Variants in PIK3C2G observed in about 807,000 individuals in gnomAD.
The protein encoded by PIK3C2G is phosphatidylinositol 3-kinase C2 domain-containing subunit gamma.
PIK3C2G carries 168 observed loss-of-function variants against 181.1 expected under a neutral mutation model. The observed-to-expected ratio is 0.93, with a 90% CI of 0.82 to 1.05. PIK3C2G has a LOEUF of 1.05. Among genes scored for constraint, PIK3C2G ranks in the 50% least tolerant of loss-of-function variants. PIK3C2G has a pLI of 0.00. For missense variants in PIK3C2G, 1,869 were observed against 1,732.8 expected (o/e 1.08, Z -1.40); for synonymous variants, 573 against 592.2 (o/e 0.97, Z 0.47).
At chr12:18,299,766 C>T (rs941018473) in intron 5 of PIK3C2G, among the ~76,000 whole-genome samples, 6 of 151,934 alleles carry the variant, frequency 3.9e-5, no homozygotes, top group African/African-American at 1.4e-4. Context: ...TCATCAGATA[C>T]TTTTTCTGTA....
chr12:18,333,519 G>A (rs1158332003), intron 8 of PIK3C2G, among the ~76,000 whole-genome samples: 2 of 151,990 alleles, frequency 1.3e-5, no homozygotes. Flanking sequence ...TCCCACTTAT[G>A]AATGAGAACA....
intron 18 of PIK3C2G, among the ~76,000 whole-genome samples, chr12:18,479,345 G>T (rs1192575271): frequency 1.3e-5 from 2 of 152,082 alleles, no homozygotes; most frequent in African/African-American, 4.8e-5. Context: ...TCCATGTTAA[G>T]ACATCAGGAG....
the PIK3C2G span, among the ~76,000 whole-genome samples, chr12:18,654,294 TAAAA>T: frequency 7.7e-5 from 11 of 142,666 alleles, no homozygotes; most frequent in African/African-American, 7.7e-5. Flanking sequence ...CACTAGTACC[TAAAA>T]AAAAAAAAAA....
At chr12:18,642,953 A>C (rs770824346) in intron 32 of PIK3C2G, among the ~76,000 whole-genome samples, 1 of 152,066 alleles carries the variant, frequency 6.6e-6, no homozygotes, top group African/African-American at 2.4e-5. Context: ...ACACTTCCCA[A>C]CAATATATCA....
At chr12:18,686,394 A>G in the PIK3C2G span, among the ~76,000 whole-genome samples, 1 of 151,962 alleles carries the variant, frequency 6.6e-6, no homozygotes, top group African/African-American at 2.4e-5. Context: ...CTCCCTAAAT[A>G]ATTTTCTCAT....
rs149808778 is a variant in PIK3C2G, at chr12:18,395,400, A to G, written c.2126+4148A>G. Reference sequence around the variant, plus strand: ...GATGAAAACAACTTTTTCAAATTAGAACTCTATACACAGTAAAATTATGTT... The same window carrying G: ...GATGAAAACAACTTTTTCAAATTAGGACTCTATACACAGTAAAATTATGTT... On this transcript the variant is annotated intron_variant, in intron 15 of 32. Transcript: ENST00000538779. Among the ~76,000 whole-genome samples the G allele has an allele frequency of 4.9e-3, 746 of 150,846 alleles. 4 individuals carry two copies. Among genetic ancestry groups the G allele is most frequent in the Non-Finnish European group, 6.4e-3 (429 of 67,408 alleles).
chr12:18,407,053 T>C (rs1944578867), intron 16 of PIK3C2G, among the ~76,000 whole-genome samples: 1 of 152,082 alleles, frequency 6.6e-6, no homozygotes, highest in Non-Finnish European at 1.5e-5. Context: ...CAAAGAGTAA[T>C]ATTATATACC....
At chr12:18,498,768 G>A (rs2305220) in intron 22 of PIK3C2G, among the ~76,000 whole-genome samples, 61,282 of 151,812 alleles carry the variant, frequency 0.4, 12,945 homozygotes, top group African/African-American at 0.53. Context: ...CATTACAGTC[G>A]TACTAGCCAA....
chr12:18,553,995 T>C (rs1012087845), intron 26 of PIK3C2G, among the ~76,000 whole-genome samples: 3 of 152,114 alleles, frequency 2.0e-5, no homozygotes, highest in African/African-American at 7.2e-5. Flanking sequence ...CAATCAGTTA[T>C]GTTTTATAAA....
chr12:18,603,593 G>A (rs558145562), intron 30 of PIK3C2G, among the ~76,000 whole-genome samples: 20 of 152,036 alleles, frequency 1.3e-4, no homozygotes, highest in Non-Finnish European at 2.4e-4. Context: ...ATTAAGACAA[G>A]GGAAAGAATC....
At position 18,362,860 on chromosome 12, in the gene PIK3C2G, T is replaced by A. The variant is rs751341325; in HGVS notation, c.1722T>A (p.Phe574Leu). The A allele has an allele frequency of 1.3e-6, 2 of 1,515,452 alleles. No individual in the cohort carries two copies. Among genetic ancestry groups the A allele is most frequent in the South Asian group, 2.5e-5 (2 of 80,342 alleles). 93.9% of individuals were successfully genotyped at this position (1,515,452 alleles called of 1,614,324 possible). ...GAAATATTCCAGACAAGAAATTATT[T>A]TTTTTCTTGGTCAACTGGAATGAAA... ...NYRNIPDKKL[F>L]FFLVNWNETI... is the part of the protein sequence containing the mutation. The change falls in exon 12 of 33, where the codon TTT (phenylalanine) becomes TTA (leucine). Residue 574 changes from phenylalanine to leucine, a missense_variant. Phe to Leu is a conservative substitution (Grantham distance 22). Coordinates refer to ENST00000538779, the MANE Select transcript of PIK3C2G (RefSeq NM_001288772.2).
At chr12:18,686,483 A>G in the PIK3C2G span, among the ~76,000 whole-genome samples, 1 of 151,250 alleles carries the variant, frequency 6.6e-6, no homozygotes, top group Non-Finnish European at 1.5e-5. Context: ...AGCATGTTTA[A>G]ATTGTGTTTT....
chr12:18,401,323 T>A (rs969269042), intron 16 of PIK3C2G, among the ~76,000 whole-genome samples: 3 of 152,172 alleles, frequency 2.0e-5, no homozygotes, highest in Non-Finnish European at 4.4e-5. Flanking sequence ...ATGTGGTAAT[T>A]AACAATTGAT....
At chr12:18,451,359 A>T (rs1439041693) in intron 18 of PIK3C2G, among the ~76,000 whole-genome samples, 2 of 152,152 alleles carry the variant, frequency 1.3e-5, no homozygotes, top group Non-Finnish European at 2.9e-5. Context: ...GAGTTCACTC[A>T]TGATTTGGCT....
At chr12:18,504,402 C>A (rs574663987) in intron 23 of PIK3C2G, among the ~76,000 whole-genome samples, 1 of 152,252 alleles carries the variant, frequency 6.6e-6, no homozygotes, top group South Asian at 2.1e-4. Flanking sequence ...TCACAACCAC[C>A]ATTTGAAGGA....
chr12:18,538,697 C>T, intron 25 of PIK3C2G, among the ~76,000 whole-genome samples: 1 of 151,752 alleles, frequency 6.6e-6, no homozygotes, highest in Non-Finnish European at 1.5e-5. Context: ...GTAGACCAGG[C>T]AAGAATTTTC....
chr12:18,428,567 G>A (rs978503410), intron 18 of PIK3C2G, among the ~76,000 whole-genome samples: 2 of 152,020 alleles, frequency 1.3e-5, no homozygotes, highest in Non-Finnish European at 2.9e-5. Context: ...ACTTCCACCT[G>A]TCACTATCAG....
chr12:18,482,107 A>T (rs1939616567), intron 18 of PIK3C2G, among the ~76,000 whole-genome samples: 1 of 151,998 alleles, frequency 6.6e-6, no homozygotes, highest in African/African-American at 2.4e-5. Flanking sequence ...TCCAATTTAA[A>T]ACTTCGTTTT....
rs368805708 is a variant in PIK3C2G, at chr12:18,497,634, C to A, written c.2902C>A (p.Arg968Ser). 1 of 1,612,070 alleles carries A rather than the reference C, an allele frequency of 6.2e-7. No individual in the cohort carries two copies. Among genetic ancestry groups the A allele is most frequent in the Admixed American group, 1.7e-5 (1 of 59,814 alleles). The change falls in exon 22 of 33, where the codon CGT becomes AGT. Residue 968 changes from arginine to serine, a missense_variant. Arg to Ser is a moderately radical substitution (Grantham distance 110). Coordinates refer to ENST00000538779, the MANE Select transcript of PIK3C2G (RefSeq NM_001288772.2). ...SIIFKAGDDL[R>S]QDMLVLQLIQ... Reference sequence around the variant, plus strand: ...TTTTTAACAGGCTGGAGATGATCTTCGTCAGGATATGCTTGTTCTGCAGCT... The same window carrying A: ...TTTTTAACAGGCTGGAGATGATCTTAGTCAGGATATGCTTGTTCTGCAGCT...
Sources: allele counts gnomAD v4.1 joint callset (sites outside exome capture counted in the v4.1 genomes callset), GRCh38; gene constraint gnomAD v4.1.1; transcripts MANE v1.5; gene names NCBI Gene and HGNC (gene_info 2026-07-23, HGNC 2026-07-21).